Variants in ETV6 observed in about 807,000 individuals in gnomAD.
ETV6 encodes the protein transcription factor ETV6.
ETV6 carries 16 observed loss-of-function variants against 51.1 expected under a neutral mutation model. The observed-to-expected ratio is 0.31, with a 90% CI of 0.21 to 0.48. The LOEUF is 0.48. ETV6 is among the 20% of genes least tolerant of loss of function. The pLI, the probability that ETV6 is intolerant of heterozygous loss-of-function variation, is 0.99. For missense variants in ETV6, 458 were observed against 594.8 expected (o/e 0.77, Z 2.39); for synonymous variants, 240 against 224.1 (o/e 1.07, Z -0.64).
intron 2 of ETV6, among the ~76,000 whole-genome samples, chr12:11,762,074 G>A (rs963243991): frequency 6.6e-6 from 1 of 152,194 alleles, no homozygotes; most frequent in South Asian, 2.1e-4. Flanking sequence ...GCTCTGTTGA[G>A]CATTTCCCTA....
chr12:11,830,069 G>A (rs1228892832), intron 2 of ETV6, among the ~76,000 whole-genome samples: 1 of 152,162 alleles, frequency 6.6e-6, no homozygotes, highest in Non-Finnish European at 1.5e-5. Context: ...CCGGAAAAGT[G>A]CCTCTGGGAA....
intron 1 of ETV6, among the ~76,000 whole-genome samples, chr12:11,656,772 C>CTA (rs1242531943): frequency 6.6e-6 from 1 of 152,132 alleles, no homozygotes; most frequent in Non-Finnish European, 1.5e-5. Flanking sequence ...TCGGGCTAGA[C>CTA]ACCTTCTTTG....
At chr12:11,784,230 G>A (rs1945449434) in intron 2 of ETV6, among the ~76,000 whole-genome samples, 1 of 152,134 alleles carries the variant, frequency 6.6e-6, no homozygotes, top group African/African-American at 2.4e-5. Flanking sequence ...AGGAGTTCGA[G>A]ACCAGCCTGG....
At chr12:11,763,520 G>A (rs1170847707) in intron 2 of ETV6, among the ~76,000 whole-genome samples, 1 of 152,206 alleles carries the variant, frequency 6.6e-6, no homozygotes, top group Non-Finnish European at 1.5e-5. Flanking sequence ...TGTGAAATTT[G>A]TCTCTGATCA....
chr12:11,682,761 G>T (rs184236031), intron 1 of ETV6, among the ~76,000 whole-genome samples: 2 of 152,212 alleles, frequency 1.3e-5, no homozygotes, highest in African/African-American at 4.8e-5. Context: ...TTTGTATAAG[G>T]TGTAAGGAAG....
intron 1 of ETV6, among the ~76,000 whole-genome samples, chr12:11,671,260 G>A (rs1864308310): frequency 6.6e-6 from 1 of 152,162 alleles, no homozygotes; most frequent in Non-Finnish European, 1.5e-5. Flanking sequence ...TAAACCTGGG[G>A]TTTGCTGTAC....
At chr12:11,821,399 G>A (rs771959272) in intron 2 of ETV6, among the ~76,000 whole-genome samples, 3 of 151,990 alleles carry the variant, frequency 2.0e-5, no homozygotes, top group South Asian at 2.1e-4. Context: ...AAACAAGGGC[G>A]ACTGGAAGGT....
intron 1 of ETV6, among the ~76,000 whole-genome samples, chr12:11,738,743 T>C (rs1312359677): frequency 6.6e-6 from 1 of 152,186 alleles, no homozygotes; most frequent in Non-Finnish European, 1.5e-5. Flanking sequence ...CCATTTTAAT[T>C]CTATTTTCTC....
intron 2 of ETV6, among the ~76,000 whole-genome samples, chr12:11,774,953 T>C (rs1945297841): frequency 6.6e-6 from 1 of 152,160 alleles, no homozygotes; most frequent in Non-Finnish European, 1.5e-5. Context: ...TTGCTATGTG[T>C]GGATCATTAT....
At chr12:11,670,512 T>C (rs7957020) in intron 1 of ETV6, among the ~76,000 whole-genome samples, 6,061 of 152,306 alleles carry the variant, frequency 0.04, 140 homozygotes, top group Admixed American at 0.063. Context: ...ATTTGTAACA[T>C]TTTTCACTGT....
intron 1 of ETV6, 57 bp downstream of exon 1, chr12:11,650,217 G>T (rs1303210781): frequency 1.3e-6 from 2 of 1,499,538 alleles, no homozygotes; most frequent in Non-Finnish European, 1.9e-6. Context: ...CACCGGCCAG[G>T]GCAGTCGTGC....
chr12:11,858,064 A>AG (rs1946658525), intron 4 of ETV6, among the ~76,000 whole-genome samples: 2 of 152,228 alleles, frequency 1.3e-5, no homozygotes. Flanking sequence ...AACTTCAGAT[A>AG]ATGTTGCCCC....
intron 1 of ETV6, among the ~76,000 whole-genome samples, chr12:11,671,272 A>G (rs934445975): frequency 3.3e-5 from 5 of 152,178 alleles, no homozygotes; most frequent in African/African-American, 1.2e-4. Context: ...TTGCTGTACA[A>G]TGCTTTGGGT....
At chr12:11,750,202 G>A (rs1190494039) in intron 1 of ETV6, among the ~76,000 whole-genome samples, 1 of 152,218 alleles carries the variant, frequency 6.6e-6, no homozygotes, top group Non-Finnish European at 1.5e-5. Flanking sequence ...ACACCAAGGG[G>A]TTACTTTTAA....
chr12:11,666,664 GT>G (rs1864200577), intron 1 of ETV6, among the ~76,000 whole-genome samples: 1 of 152,184 alleles, frequency 6.6e-6, no homozygotes, highest in African/African-American at 2.4e-5. Context: ...CCCTATTTCT[GT>G]TGCCATTGAG....
chr12:11,718,650 T>C (rs542836011), intron 1 of ETV6, among the ~76,000 whole-genome samples: 1 of 150,260 alleles, frequency 6.7e-6, no homozygotes, highest in East Asian at 1.9e-4. Flanking sequence ...GGTGTGTGCC[T>C]GTAGTCCCAG....
chr12:11,670,302 A>G (rs544866455), intron 1 of ETV6, among the ~76,000 whole-genome samples: 1 of 152,352 alleles, frequency 6.6e-6, no homozygotes, highest in Non-Finnish European at 1.5e-5. Flanking sequence ...TGATTCTTGT[A>G]GAGTAAAAGC....
chr12:11,836,463 G>A (rs1045388105), intron 2 of ETV6, among the ~76,000 whole-genome samples: 5 of 152,154 alleles, frequency 3.3e-5, no homozygotes, highest in Admixed American at 3.3e-4. Context: ...TACATAAGCC[G>A]AGGGCATTTG....
intron 1 of ETV6, among the ~76,000 whole-genome samples, chr12:11,738,023 A>G (rs1165222491): frequency 6.6e-6 from 1 of 152,168 alleles, no homozygotes; most frequent in African/African-American, 2.4e-5. Flanking sequence ...TGCAAGTTGC[A>G]TTAAACTGTA....
Sources: gnomAD v4.1 joint callset for allele counts (sites outside exome capture counted in the v4.1 genomes callset) on GRCh38, gnomAD v4.1.1 for gene constraint, MANE v1.5 for transcripts, NCBI Gene and HGNC (gene_info 2026-07-23, HGNC 2026-07-21) for gene names.